Variants in AGBL4 observed in about 807,000 individuals in gnomAD.
The protein encoded by AGBL4 is AGBL carboxypeptidase 4, also known as cytosolic carboxypeptidase 6.
In AGBL4, 58 loss-of-function variants were observed where a neutral mutation model predicts 66.4. The ratio of observed to expected loss-of-function variants is 0.87; its 90% CI spans 0.71 to 1.09. AGBL4 has a LOEUF of 1.09. Among genes scored for constraint, AGBL4 ranks in the 50% least tolerant of loss-of-function variants. AGBL4 has a pLI of 0.00. For missense variants in AGBL4, 579 were observed against 631.0 expected (o/e 0.92, Z 0.88); for synonymous variants, 234 against 222.9 (o/e 1.05, Z -0.44).
intron 3 of AGBL4, among the ~76,000 whole-genome samples, chr1:49,504,180 T>C (rs1171890057): frequency 6.6e-6 from 1 of 152,106 alleles, no homozygotes; most frequent in African/African-American, 2.4e-5. Flanking sequence ...GCATCTCTCC[T>C]GCTTGCACTC....
intron 3 of AGBL4, among the ~76,000 whole-genome samples, chr1:49,249,900 CAAATT>C (rs964124004): frequency 2.0e-5 from 3 of 152,092 alleles, no homozygotes; most frequent in African/African-American, 7.2e-5. Context: ...ATTCAAAAAA[CAAATT>C]AAATCCTGTC....
intron 3 of AGBL4, among the ~76,000 whole-genome samples, chr1:49,543,586 G>A (rs1304154254): frequency 6.6e-6 from 1 of 152,100 alleles, no homozygotes; most frequent in Non-Finnish European, 1.5e-5. Flanking sequence ...ATCAGCAAGA[G>A]TGTTCTGAAA....
At chr1:48,711,430 A>G (rs1234823050) in intron 6 of AGBL4, among the ~76,000 whole-genome samples, 3 of 152,168 alleles carry the variant, frequency 2.0e-5, no homozygotes, top group Non-Finnish European at 4.4e-5. Flanking sequence ...CAGGGAAGTC[A>G]TTAACCTTTG....
chr1:49,208,599 T>C (rs965394027), intron 4 of AGBL4, among the ~76,000 whole-genome samples: 4 of 152,186 alleles, frequency 2.6e-5, no homozygotes, highest in African/African-American at 7.2e-5. Flanking sequence ...TTGGTTGTTG[T>C]CTAACACAGA....
chr1:49,840,180 CT>C (rs1645955403), intron 2 of AGBL4, among the ~76,000 whole-genome samples: 1 of 152,088 alleles, frequency 6.6e-6, no homozygotes, highest in East Asian at 1.9e-4. Flanking sequence ...ATTTCAATCT[CT>C]TTCTGATTCA....
At chr1:49,857,751 A>G (rs1323737170) in intron 1 of AGBL4, among the ~76,000 whole-genome samples, 2 of 152,152 alleles carry the variant, frequency 1.3e-5, no homozygotes. Flanking sequence ...ACTTAAATAT[A>G]AGAACTGAAA....
intron 3 of AGBL4, among the ~76,000 whole-genome samples, chr1:49,642,754 A>G (rs1472429044): frequency 1.3e-5 from 2 of 152,074 alleles, no homozygotes; most frequent in African/African-American, 4.8e-5. Context: ...AATAAGGGGA[A>G]AAGAGCCCAA....
intron 1 of AGBL4, among the ~76,000 whole-genome samples, chr1:49,971,915 T>G (rs957571807): frequency 1.3e-4 from 12 of 94,596 alleles, no homozygotes; most frequent in Admixed American, 3.6e-4. Flanking sequence ...GGGTTTTTTT[T>G]TTTTTTTTTT....
chr1:48,599,425 C>T (rs1367536507), intron 9 of AGBL4, among the ~76,000 whole-genome samples: 1 of 152,172 alleles, frequency 6.6e-6, no homozygotes, highest in Non-Finnish European at 1.5e-5. Flanking sequence ...ATGCATTCCC[C>T]TAGGCCTTAC....
At position 48,663,135 on chromosome 1, in the gene AGBL4, G is replaced by A. The variant is rs751620802; in HGVS notation, c.724+17C>T. 6.8e-6 allele frequency: 11 copies of A among 1,613,492 alleles called. No individual in the cohort carries two copies. In the East Asian group the frequency reaches 1.8e-4, roughly 26 times the overall value. The stretch of plus-strand genomic sequence containing the variant: ...TTGGATGTGGGTATAGGATACCTAT[G>A]AGATCCTGCCACTCACCTTGGCACA... On this transcript the variant is annotated intron_variant, in intron 7 of 13. Coordinates refer to ENST00000371839, the MANE Select transcript of AGBL4 (RefSeq NM_032785.4).
chr1:48,841,136 A>G (rs1194716835), intron 6 of AGBL4, among the ~76,000 whole-genome samples: 2 of 152,188 alleles, frequency 1.3e-5, no homozygotes, highest in African/African-American at 4.8e-5. Flanking sequence ...TACCAGAGGT[A>G]GCACAAGGGA....
chr1:49,746,171 T>C (rs1043726363), intron 2 of AGBL4, among the ~76,000 whole-genome samples: 8 of 151,954 alleles, frequency 5.3e-5, no homozygotes, highest in Non-Finnish European at 7.4e-5. Context: ...GAAGAATGCA[T>C]TCCTGAACAC....
At chr1:49,055,769 T>C (rs1644297214) in intron 4 of AGBL4, among the ~76,000 whole-genome samples, 1 of 152,184 alleles carries the variant, frequency 6.6e-6, no homozygotes, top group South Asian at 2.1e-4. Flanking sequence ...CATGAATGCC[T>C]ATTAATCTTA....
chr1:49,865,582 C>A (rs963717576), intron 1 of AGBL4, among the ~76,000 whole-genome samples: 1 of 152,020 alleles, frequency 6.6e-6, no homozygotes, highest in Admixed American at 6.6e-5. Context: ...AAAAAGTCCC[C>A]ATAAAAACTC....
At chr1:48,755,705 G>A (rs1652444460) in intron 6 of AGBL4, among the ~76,000 whole-genome samples, 1 of 152,120 alleles carries the variant, frequency 6.6e-6, no homozygotes, top group South Asian at 2.1e-4. Context: ...GACTTTCCAA[G>A]AGAGACTTCT....
At chr1:49,036,999 G>A (rs181630838) in intron 5 of AGBL4, among the ~76,000 whole-genome samples, 1 of 152,046 alleles carries the variant, frequency 6.6e-6, no homozygotes, top group Admixed American at 6.6e-5. Flanking sequence ...TGTGTGAGCC[G>A]AGACTGAAAA....
chr1:49,505,364 C>CT lies in AGBL4; in HGVS notation c.282+191948dup, dbSNP rs75515088. Among the ~76,000 whole-genome samples, 317 of 146,888 alleles carry CT rather than the reference C, an allele frequency of 2.2e-3. 8 individuals are homozygous for CT. In the East Asian group the frequency reaches 0.055, roughly 26 times the overall value. On this transcript the variant is annotated intron_variant, in intron 3 of 13. Transcript: ENST00000371839. ...ATGTTTTTGTGTCACTAATTAGTGT[C>CT]TTTTTTTTTTCAACTTTAAGAACTC...
At chr1:49,083,137 G>T (rs1644837581) in intron 4 of AGBL4, among the ~76,000 whole-genome samples, 2 of 152,176 alleles carry the variant, frequency 1.3e-5, no homozygotes, top group African/African-American at 4.8e-5. Flanking sequence ...GGCTGGTGTT[G>T]AGTGTCTACA....
At chr1:49,146,889 C>T (rs920465121) in intron 4 of AGBL4, among the ~76,000 whole-genome samples, 1 of 152,238 alleles carries the variant, frequency 6.6e-6, no homozygotes, top group African/African-American at 2.4e-5. Flanking sequence ...TAGCAGTGAG[C>T]AGCCAGGGAG....
Sources: gnomAD v4.1 joint callset for allele counts (sites outside exome capture counted in the v4.1 genomes callset) on GRCh38, gnomAD v4.1.1 for gene constraint, MANE v1.5 for transcripts, NCBI Gene and HGNC (gene_info 2026-07-23, HGNC 2026-07-21) for gene names.